MAGI2: variants seen among roughly 807,000 people sequenced by gnomAD.
The protein encoded by MAGI2 is membrane associated guanylate kinase, WW and PDZ domain containing 2.
Under a neutral mutation model 133.3 loss-of-function variants are expected in MAGI2, and 35 were observed. The observed-to-expected ratio is 0.26, with a 90% CI of 0.20 to 0.35. The LOEUF is 0.35. Ranked by LOEUF, MAGI2 falls within the 10% of genes least tolerant of loss-of-function variation. The pLI, the probability that MAGI2 is intolerant of heterozygous loss-of-function variation, is 1.00. For synonymous variants in MAGI2, 729 were observed against 710.6 expected, an observed-to-expected ratio of 1.03 and a Z score of -0.41; for missense variants, 1,636 against 1,863.4, an observed-to-expected ratio of 0.88 and a Z score of 2.25.
At chr7:78,843,277 T>C (rs1792304469) in intron 2 of MAGI2, among the ~76,000 whole-genome samples, 1 of 151,852 alleles carries the variant, frequency 6.6e-6, no homozygotes, top group African/African-American at 2.4e-5. Context: ...TTTCATTCTT[T>C]CTTAAACAAT....
At chr7:78,603,127 G>A (rs1805387880) in intron 3 of MAGI2, among the ~76,000 whole-genome samples, 4 of 152,072 alleles carry the variant, frequency 2.6e-5, no homozygotes, top group Admixed American at 2.0e-4. Context: ...TTCAATTAAA[G>A]TGACAGAATT....
At chr7:78,955,376 T>C (rs1802213437) in intron 2 of MAGI2, among the ~76,000 whole-genome samples, 1 of 152,074 alleles carries the variant, frequency 6.6e-6, no homozygotes, top group South Asian at 2.1e-4. Flanking sequence ...TAATATGTAA[T>C]AAAGCACAGC....
chr7:79,028,547 T>C (rs1232712698), intron 1 of MAGI2, among the ~76,000 whole-genome samples: 5 of 151,864 alleles, frequency 3.3e-5, no homozygotes, highest in Non-Finnish European at 7.4e-5. Context: ...GACTTACCTT[T>C]ATACAGAACG....
intron 1 of MAGI2, among the ~76,000 whole-genome samples, chr7:79,430,937 A>C (rs1384592192): frequency 6.6e-6 from 1 of 152,232 alleles, no homozygotes; most frequent in African/African-American, 2.4e-5. Context: ...TCAAGTATTA[A>C]AAGATGCCTT....
intron 3 of MAGI2, among the ~76,000 whole-genome samples, chr7:78,548,106 C>A (rs59042264): frequency 0.12 from 18,894 of 152,198 alleles, 1,872 homozygotes; most frequent in East Asian, 0.51. Context: ...TTAGAAAGAG[C>A]CTTGACCAAC....
At chr7:79,223,304 A>T (rs989750335) in intron 1 of MAGI2, among the ~76,000 whole-genome samples, 7 of 152,152 alleles carry the variant, frequency 4.6e-5, no homozygotes, top group Middle Eastern at 3.4e-3. Flanking sequence ...AATCTTTAGA[A>T]TTTATTTGAA....
intron 3 of MAGI2, chr7:78,618,155 T>G (rs1227018244): frequency 1.3e-5 from 2 of 151,988 alleles, no homozygotes; most frequent in African/African-American, 4.8e-5. Context: ...TTTATTAAGG[T>G]CTATGTGTTA....
chr7:79,125,776 G>C (rs553155446), intron 1 of MAGI2: 3 of 518,830 alleles, frequency 5.8e-6, no homozygotes, highest in South Asian at 2.8e-5. Flanking sequence ...GGCTGGGGTG[G>C]TTCCAGTGGC....
At chr7:79,283,262 G>A (rs1158526205) in intron 1 of MAGI2, among the ~76,000 whole-genome samples, 1 of 151,994 alleles carries the variant, frequency 6.6e-6, no homozygotes, top group East Asian at 1.9e-4. Flanking sequence ...TGTCACAGAG[G>A]ACATATAAAT....
At chr7:79,383,706 C>A (rs1405061256) in intron 1 of MAGI2, among the ~76,000 whole-genome samples, 1 of 151,384 alleles carries the variant, frequency 6.6e-6, no homozygotes, top group Non-Finnish European at 1.5e-5. Context: ...ATTAGGAAAT[C>A]TGTTAATAGT....
chr7:79,186,458 A>G (rs1216430449), intron 1 of MAGI2, among the ~76,000 whole-genome samples: 1 of 148,638 alleles, frequency 6.7e-6, no homozygotes, highest in Non-Finnish European at 1.5e-5. Flanking sequence ...ATTATGTCAC[A>G]TCAAATTTAT....
At chr7:79,022,284 A>C (rs1809409166) in intron 1 of MAGI2, among the ~76,000 whole-genome samples, 1 of 152,204 alleles carries the variant, frequency 6.6e-6, no homozygotes, top group African/African-American at 2.4e-5. Context: ...ACTTCTGGGT[A>C]AACAATAAAA....
intron 2 of MAGI2, among the ~76,000 whole-genome samples, chr7:78,877,567 G>A (rs777040997): frequency 1.2e-4 from 19 of 152,280 alleles, no homozygotes; most frequent in Admixed American, 5.9e-4. Context: ...TTCTTGAGGG[G>A]CAAGGGTTGA....
At chr7:78,859,023 G>T (rs1421073496) in intron 2 of MAGI2, among the ~76,000 whole-genome samples, 1 of 151,614 alleles carries the variant, frequency 6.6e-6, no homozygotes, top group Non-Finnish European at 1.5e-5. Context: ...ATCTTTGCGG[G>T]TTTAGAGTCT....
chr7:78,788,377 A>G (rs1188261926), intron 2 of MAGI2, among the ~76,000 whole-genome samples: 1 of 152,122 alleles, frequency 6.6e-6, no homozygotes, highest in African/African-American at 2.4e-5. Flanking sequence ...ATGCATTTTC[A>G]TCTTTCCCAT....
intron 1 of MAGI2, among the ~76,000 whole-genome samples, chr7:79,220,340 C>T (rs1404714394): frequency 5.3e-5 from 8 of 151,704 alleles, no homozygotes; most frequent in East Asian, 1.9e-4. Flanking sequence ...ACATGTAAGA[C>T]GACATTATAC....
At chr7:78,793,572 T>C (rs1452718020) in intron 2 of MAGI2, among the ~76,000 whole-genome samples, 1 of 152,172 alleles carries the variant, frequency 6.6e-6, no homozygotes, top group African/African-American at 2.4e-5. Context: ...TATTTGGAAA[T>C]CTGTTAATAT....
chr7:79,022,957 G>A (rs980597147), intron 1 of MAGI2, among the ~76,000 whole-genome samples: 7 of 151,622 alleles, frequency 4.6e-5, no homozygotes, highest in African/African-American at 9.7e-5. Flanking sequence ...AAAAAATTGA[G>A]GAGAAAAGAT....
chr7:78,998,012 A>G (rs1806481765), intron 2 of MAGI2, among the ~76,000 whole-genome samples: 1 of 152,110 alleles, frequency 6.6e-6, no homozygotes, highest in Non-Finnish European at 1.5e-5. Flanking sequence ...ATTTCTCATT[A>G]TGTTTATTTT....
Sources: allele counts gnomAD v4.1 joint callset (sites outside exome capture counted in the v4.1 genomes callset), GRCh38; gene constraint gnomAD v4.1.1; transcripts MANE v1.5; gene names NCBI Gene and HGNC (gene_info 2026-07-23, HGNC 2026-07-21).